Variants in ARHGEF3 observed in about 807,000 individuals in gnomAD.
The protein encoded by ARHGEF3 is 59.8 kDA protein.
ARHGEF3 carries 28 observed loss-of-function variants against 63.2 expected under a neutral mutation model. The ratio of observed to expected loss-of-function variants is 0.44; its 90% CI spans 0.33 to 0.61. ARHGEF3 has a LOEUF of 0.61. ARHGEF3 is among the 20% of genes least tolerant of loss of function. ARHGEF3 has a pLI of 0.03. For missense variants in ARHGEF3, 533 were observed against 659.3 expected (o/e 0.81, Z 2.10); for synonymous variants, 266 against 254.2 (o/e 1.05, Z -0.44).
intron 1 of ARHGEF3, among the ~76,000 whole-genome samples, chr3:57,072,772 C>T (rs892759347): frequency 2.6e-4 from 40 of 151,178 alleles, no homozygotes; most frequent in Non-Finnish European, 4.4e-4. Flanking sequence ...ACAAGCCAGG[C>T]GTGGTGGCTC....
intron 1 of ARHGEF3, among the ~76,000 whole-genome samples, chr3:56,798,637 G>T (rs1009304575): frequency 4.0e-5 from 6 of 151,230 alleles, no homozygotes; most frequent in African/African-American, 1.5e-4. Context: ...TTCATTAGAG[G>T]TAACACATTT....
chr3:57,010,602 C>G (rs538390693), intron 2 of ARHGEF3, among the ~76,000 whole-genome samples: 1 of 152,186 alleles, frequency 6.6e-6, no homozygotes, highest in South Asian at 2.1e-4. Flanking sequence ...AGGATTTATG[C>G]ATTTTGAAGA....
At chr3:56,781,246 T>G (rs1406316654) in intron 1 of ARHGEF3, among the ~76,000 whole-genome samples, 1 of 150,930 alleles carries the variant, frequency 6.6e-6, no homozygotes, top group East Asian at 1.9e-4. Context: ...CTTTTGTCTT[T>G]TTTTTTTTTT....
chr3:56,779,355 G>A (rs2036437976), intron 1 of ARHGEF3, among the ~76,000 whole-genome samples: 2 of 152,166 alleles, frequency 1.3e-5, no homozygotes, highest in Admixed American at 1.3e-4. Flanking sequence ...AGGAAAACAG[G>A]ACTGGTCACA....
At chr3:57,056,058 C>T (rs1199836135) in intron 1 of ARHGEF3, among the ~76,000 whole-genome samples, 1 of 152,090 alleles carries the variant, frequency 6.6e-6, no homozygotes, top group East Asian at 1.9e-4. Context: ...CCCCTACTGT[C>T]ACCATGCTCA....
intron 7 of ARHGEF3, among the ~76,000 whole-genome samples, chr3:56,737,801 G>A (rs1017828499): frequency 2.6e-4 from 40 of 152,242 alleles, no homozygotes; most frequent in African/African-American, 9.4e-4. Context: ...TAGCTTCAAC[G>A]TCTCTCTATA....
chr3:56,963,955 T>A (rs991577854), intron 2 of ARHGEF3, among the ~76,000 whole-genome samples: 1 of 152,148 alleles, frequency 6.6e-6, no homozygotes, highest in Non-Finnish European at 1.5e-5. Context: ...CAAAGGGACA[T>A]CCCAATAACA....
At chr3:56,916,234 T>C in intron 3 of ARHGEF3, 1 of 1,501,176 alleles carries the variant, frequency 6.7e-7, no homozygotes, top group Non-Finnish European at 8.9e-7. Context: ...ACACCTCAGA[T>C]CCTGGCACCA....
chr3:56,965,931 A>T (rs767726172), intron 2 of ARHGEF3, among the ~76,000 whole-genome samples: 5 of 152,140 alleles, frequency 3.3e-5, no homozygotes, highest in Non-Finnish European at 7.3e-5. Flanking sequence ...TACAGGTGTG[A>T]GCCACTGCGC....
At chr3:56,789,800 C>T (rs2036994320) in intron 1 of ARHGEF3, among the ~76,000 whole-genome samples, 1 of 152,128 alleles carries the variant, frequency 6.6e-6, no homozygotes, top group South Asian at 2.1e-4. Flanking sequence ...TCACTATCAC[C>T]TGCCATAAAC....
At chr3:57,010,455 C>CAA (rs35833729) in intron 2 of ARHGEF3, among the ~76,000 whole-genome samples, 1,804 of 50,786 alleles carry the variant, frequency 0.036, 80 homozygotes, top group African/African-American at 0.12. Context: ...GACTCCATCT[C>CAA]AAAAAAAAAA....
chr3:56,978,096 T>A (rs1367063447), intron 2 of ARHGEF3, among the ~76,000 whole-genome samples: 2 of 152,142 alleles, frequency 1.3e-5, no homozygotes, highest in Non-Finnish European at 2.9e-5. Flanking sequence ...CCAGGTGCGG[T>A]CACCCCCGCC....
chr3:56,741,184 C>CCTTTTTTTTTTTTT, intron 7 of ARHGEF3, among the ~76,000 whole-genome samples: 1 of 128,872 alleles, frequency 7.8e-6, no homozygotes, highest in Non-Finnish European at 1.6e-5. Flanking sequence ...TGCTTTGGTT[C>CCTTTTTTTTTTTTT]TTTTTTTTTT....
chr3:57,001,103 C>T (rs1049910899), intron 2 of ARHGEF3, among the ~76,000 whole-genome samples: 3 of 151,830 alleles, frequency 2.0e-5, no homozygotes, highest in Non-Finnish European at 2.9e-5. Flanking sequence ...CAATGCCTGG[C>T]TAAATTTTAA....
chr3:56,969,495 G>A (rs1260784088), intron 2 of ARHGEF3, among the ~76,000 whole-genome samples: 10 of 152,152 alleles, frequency 6.6e-5, no homozygotes, highest in Middle Eastern at 3.4e-3. Flanking sequence ...TATAAGGGCC[G>A]GGCGCGGTGG....
intron 2 of ARHGEF3, among the ~76,000 whole-genome samples, chr3:57,019,610 T>C (rs1306324918): frequency 6.6e-6 from 1 of 152,178 alleles, no homozygotes; most frequent in Non-Finnish European, 1.5e-5. Context: ...AAAAATACTA[T>C]TTGAAGAGAT....
At chr3:56,993,315 A>G (rs567959549) in intron 2 of ARHGEF3, among the ~76,000 whole-genome samples, 4 of 152,288 alleles carry the variant, frequency 2.6e-5, no homozygotes, top group African/African-American at 7.2e-5. Context: ...GGGAGCAGGA[A>G]GAAGACCCCA....
At chr3:57,044,585 T>C (rs1704364880) in intron 1 of ARHGEF3, among the ~76,000 whole-genome samples, 1 of 152,192 alleles carries the variant, frequency 6.6e-6, no homozygotes, top group Non-Finnish European at 1.5e-5. Context: ...TTGCTGCCCC[T>C]GTGGCTTAAT....
At chr3:56,846,881 T>G (rs1395155840) in intron 4 of ARHGEF3, among the ~76,000 whole-genome samples, 2 of 152,238 alleles carry the variant, frequency 1.3e-5, no homozygotes, top group African/African-American at 4.8e-5. Flanking sequence ...GGTTGCATTT[T>G]AACCAGGAAA....
Sources: gnomAD v4.1 joint callset for allele counts (sites outside exome capture counted in the v4.1 genomes callset) on GRCh38, gnomAD v4.1.1 for gene constraint, MANE v1.5 for transcripts, NCBI Gene and HGNC (gene_info 2026-07-23, HGNC 2026-07-21) for gene names.